Variants in CACNG1 observed in about 807,000 individuals in gnomAD.
CACNG1 encodes calcium voltage-gated channel auxiliary subunit gamma 1.
In CACNG1, 21 loss-of-function variants were observed where a neutral mutation model predicts 22.0. That is an observed-to-expected ratio of 0.95 (90% CI 0.68 to 1.37). The LOEUF is 1.37. Ranked by LOEUF, CACNG1 falls within the 40% of genes most tolerant of loss-of-function variation. The pLI, the probability that CACNG1 is intolerant of heterozygous loss-of-function variation, is 0.00. For synonymous variants in CACNG1, 127 were observed against 129.2 expected (o/e 0.98, Z 0.12); for missense variants, 291 against 308.6 (o/e 0.94, Z 0.43).
rs2035758373 is a variant in CACNG1, at chr17:67,055,902, C to T, written c.443-143C>T. The T allele has an allele frequency of 3.1e-6, 2 of 638,074 alleles. No homozygotes were observed. The highest frequency in any genetic ancestry group is 2.7e-5 in the East Asian group (1 of 36,874). 39.5% of individuals were successfully genotyped at this position (638,074 alleles called of 1,614,324 possible). ...GTGGGTGGACAAATGGATCCTTCTG[C>T]AGGTTCCCATCTAGAACCTGCCTTG... On this transcript the variant is annotated intron_variant, in intron 3 of 3. Coordinates refer to ENST00000226021, the MANE Select transcript of CACNG1 (RefSeq NM_000727.4). This position sits in a 1 kb window ranked among gnomAD's most constrained non-coding sequence, Gnocchi z 4.5.
intron 1 of CACNG1, among the ~76,000 whole-genome samples, chr17:67,048,990 C>CA (rs1380572740): frequency 6.6e-6 from 1 of 151,620 alleles, no homozygotes. Context: ...GAGAAAGGAG[C>CA]AAAAAAGGTA....
intron 1 of CACNG1, among the ~76,000 whole-genome samples, chr17:67,045,656 G>A (rs908860842): frequency 1.3e-5 from 2 of 151,708 alleles, no homozygotes; most frequent in Non-Finnish European, 2.9e-5. Context: ...CCCAGTAGCT[G>A]GGATTACAGG....
intron 1 of CACNG1, among the ~76,000 whole-genome samples, chr17:67,053,209 A>G (rs767623551): frequency 6.6e-6 from 1 of 152,182 alleles, no homozygotes; most frequent in Non-Finnish European, 1.5e-5. Flanking sequence ...TGATGGTCAC[A>G]TTCAGCCCTC....
rs779836809 is a variant in CACNG1 at position 67,055,153 on chromosome 17, A to T, written c.355A>T (p.Ile119Phe). Reference protein sequence around the residue: ...AIAIFSLGFIILGSLCVLLSL... With the variant: ...AIAIFSLGFIFLGSLCVLLSL... ...CGCCATCTTCAGCCTTGGCTTCATCATCCTGGGCAGCCTCTGTGTCCTCCT... is the reference window on the plus strand; with the variant it reads ...CGCCATCTTCAGCCTTGGCTTCATCTTCCTGGGCAGCCTCTGTGTCCTCCT... The change falls in exon 3 of 4, where the codon ATC (isoleucine) becomes TTC (phenylalanine). Residue 119 changes from isoleucine (I) to phenylalanine (F), a missense_variant. By Grantham distance (21) the Ile-to-Phe change is conservative. Coordinates refer to ENST00000226021, the MANE Select transcript of CACNG1 (RefSeq NM_000727.4). The surrounding 1 kb of genome is among the most constrained non-coding windows in gnomAD (Gnocchi z 4.5). 1.2e-6 allele frequency: 2 copies of T among 1,614,138 alleles called. No individual in the cohort carries two copies. Among genetic ancestry groups the T allele is most frequent in the Non-Finnish European group, 8.5e-7 (1 of 1,180,010 alleles).
chr17:67,055,277 G>T lies in CACNG1; in HGVS notation c.442+37G>T. ...GATCTGCCTGAGCGCCGGGGCCGGG[G>T]GACCATGTCGCGGGGGATTCTCCGC... On this transcript the variant is annotated intron_variant, in intron 3 of 3. Transcript: ENST00000226021. This position sits in a 1 kb window ranked among gnomAD's most constrained non-coding sequence, Gnocchi z 4.5. 6.3e-7 allele frequency: 1 copy of T among 1,594,728 alleles called. No individual in the cohort carries two copies. Among genetic ancestry groups the T allele is most frequent in the Non-Finnish European group, 8.6e-7 (1 of 1,167,242 alleles).
intron 1 of CACNG1, among the ~76,000 whole-genome samples, chr17:67,047,234 G>C (rs1230476759): frequency 6.6e-6 from 1 of 152,080 alleles, no homozygotes; most frequent in African/African-American, 2.4e-5. Context: ...GATAGAAAAA[G>C]AACCTCCAAA....
At chr17:67,053,794 C>T (rs1372542813) in intron 1 of CACNG1, among the ~76,000 whole-genome samples, 1 of 152,222 alleles carries the variant, frequency 6.6e-6, no homozygotes, top group Non-Finnish European at 1.5e-5. Flanking sequence ...CCTCCCAGCC[C>T]TGCAGGCAAC....
At chr17:67,052,809 CTG>C (rs1339164253) in intron 1 of CACNG1, among the ~76,000 whole-genome samples, 1 of 151,266 alleles carries the variant, frequency 6.6e-6, no homozygotes, top group Non-Finnish European at 1.5e-5. Flanking sequence ...GAGTCCCACT[CTG>C]TCACCCAGGC....
chr17:67,050,878 A>T (rs866154368), intron 1 of CACNG1, among the ~76,000 whole-genome samples: 1 of 152,220 alleles, frequency 6.6e-6, no homozygotes, highest in Non-Finnish European at 1.5e-5. Flanking sequence ...GCTGAGTCTT[A>T]CAGAAATAAG....
In CACNG1 at chr17:67,055,358, C is replaced by A; in HGVS notation, c.442+118C>A. The A allele has an allele frequency of 8.0e-7, 1 of 1,255,814 alleles. No individual in the cohort carries two copies. Among genetic ancestry groups the A allele is most frequent in the Non-Finnish European group, 1.1e-6 (1 of 918,192 alleles). The allele number at this position is 1,255,814 out of a possible 1,614,324, so 77.8% of individuals were successfully genotyped here. A position where few individuals can be genotyped will look rare whatever the true frequency, so the allele number is the denominator to read the frequency against. On this transcript the variant is annotated intron_variant, in intron 3 of 3. Coordinates refer to ENST00000226021, the MANE Select transcript of CACNG1 (RefSeq NM_000727.4). The surrounding 1 kb of genome is among the most constrained non-coding windows in gnomAD (Gnocchi z 4.5). The stretch of plus-strand genomic sequence containing the variant: ...TGAGGGGCATTTCCCAGGCTCCATC[C>A]CCATCCAGGGGCAAACCTGGCCAGG...
At chr17:67,053,263 G>GA (rs1273891789) in intron 1 of CACNG1, among the ~76,000 whole-genome samples, 1 of 152,188 alleles carries the variant, frequency 6.6e-6, no homozygotes, top group African/African-American at 2.4e-5. Flanking sequence ...TGGCCACTCG[G>GA]AAAAAGCCCT....
chr17:67,053,447 A>G (rs1017504913), intron 1 of CACNG1, among the ~76,000 whole-genome samples: 2 of 152,212 alleles, frequency 1.3e-5, no homozygotes, highest in African/African-American at 4.8e-5. Flanking sequence ...GGGTTTCTCA[A>G]CCTTGACACT....
intron 1 of CACNG1, among the ~76,000 whole-genome samples, chr17:67,047,112 A>T (rs1054800014): frequency 6.6e-6 from 1 of 152,170 alleles, no homozygotes; most frequent in African/African-American, 2.4e-5. Context: ...GTGGCCCGTC[A>T]TCTATTATTA....
Position 67,044,938 on chromosome 17 carries a change from T to C in CACNG1, c.229+49T>C. 1 of 1,483,848 alleles carries C rather than the reference T, an allele frequency of 6.7e-7. No homozygotes were observed. Among genetic ancestry groups the C allele is most frequent in the African/African-American group, 1.4e-5 (1 of 72,348 alleles). The allele number at this position is 1,483,848 out of a possible 1,614,324, so 91.9% of individuals were successfully genotyped here. A position where few individuals can be genotyped will look rare whatever the true frequency, so the allele number is the denominator to read the frequency against. On this transcript the variant is annotated intron_variant, in intron 1 of 3. Coordinates refer to ENST00000226021, the MANE Select transcript of CACNG1 (RefSeq NM_000727.4). This position sits in a 1 kb window ranked among gnomAD's most constrained non-coding sequence, Gnocchi z 6.9. ...GATCCCCACCTCCTGCTCTTCCCCG[T>C]CATCCCCCTGGCAAAGTTGCCCTTG...
chr17:67,055,170 T>G lies in CACNG1; in HGVS notation c.372T>G (p.Cys124Trp), dbSNP rs770305526. ...SLGFIILGSL[C>W]VLLSLGKKRD... is the part of the protein sequence containing the mutation. ...GCTTCATCATCCTGGGCAGCCTCTG[T>G]GTCCTCCTGTCCCTCGGGAAGAAGA... The change falls in exon 3 of 4, where the codon TGT becomes TGG. Residue 124 changes from cysteine (C) to tryptophan (W), a missense_variant. Coordinates refer to ENST00000226021, the MANE Select transcript of CACNG1 (RefSeq NM_000727.4). This position sits in a 1 kb window ranked among gnomAD's most constrained non-coding sequence, Gnocchi z 4.5. The G allele has an allele frequency of 6.2e-7, 1 of 1,614,252 alleles. No individual in the cohort carries two copies. Among genetic ancestry groups the G allele is most frequent in the Non-Finnish European group, 8.5e-7 (1 of 1,180,038 alleles).
At chr17:67,052,810 T>C (rs1340340075) in intron 1 of CACNG1, among the ~76,000 whole-genome samples, 2 of 151,706 alleles carry the variant, frequency 1.3e-5, no homozygotes, top group Non-Finnish European at 2.9e-5. Context: ...AGTCCCACTC[T>C]GTCACCCAGG....
chr17:67,049,773 G>A lies in CACNG1; in HGVS notation c.230-4223G>A, dbSNP rs74804845. 1.8e-3 allele frequency among the ~76,000 whole-genome samples: 276 copies of A among 152,306 alleles called. 7 individuals carry two copies. Among genetic ancestry groups the A allele is most frequent in the Admixed American group, 2.2e-3 (33 of 15,308 alleles). ...AAAGCTCTGACCCAAGTGAACACAA[G>A]GAGTCCAGCTTTTGACATGGCATAG... On this transcript the variant is annotated intron_variant, in intron 1 of 3. Coordinates refer to ENST00000226021, the MANE Select transcript of CACNG1 (RefSeq NM_000727.4).
Position 67,055,849 on chromosome 17 carries a change from C to T in CACNG1, c.443-196C>T, listed in dbSNP as rs372129143. On this transcript the variant is annotated intron_variant, in intron 3 of 3. Transcript: ENST00000226021. This position sits in a 1 kb window ranked among gnomAD's most constrained non-coding sequence, Gnocchi z 4.5. Reference sequence around the variant, plus strand: ...GCCACCACACCTGGCCACATGGTTGCCCTTCTGAGGGATGCAGGAATAGGG... The same window carrying T: ...GCCACCACACCTGGCCACATGGTTGTCCTTCTGAGGGATGCAGGAATAGGG... 2.0e-5 allele frequency among the ~76,000 whole-genome samples: 3 copies of T among 152,262 alleles called. No individual in the cohort carries two copies. The East Asian group carries it at 5.8e-4, about 30-fold the overall frequency.
chr17:67,055,493 A>G lies in CACNG1; in HGVS notation c.442+253A>G, dbSNP rs2035756209. Among the ~76,000 whole-genome samples the G allele has an allele frequency of 6.6e-6, 1 of 152,190 alleles. No individual in the cohort carries two copies. Among genetic ancestry groups the G allele is most frequent in the Non-Finnish European group, 1.5e-5 (1 of 68,032 alleles). On this transcript the variant is annotated intron_variant, in intron 3 of 3. Coordinates refer to ENST00000226021, the MANE Select transcript of CACNG1 (RefSeq NM_000727.4). This position sits in a 1 kb window ranked among gnomAD's most constrained non-coding sequence, Gnocchi z 4.5. ...AAAGAAACTGCCCAGAGAATGATTA[A>G]CAAAAGAAGGAAAGAAACGTGGTCA...
Sources: allele counts gnomAD v4.1 joint callset (sites outside exome capture counted in the v4.1 genomes callset), GRCh38; gene constraint gnomAD v4.1.1; non-coding constraint Gnocchi (gnomAD v3.1); transcripts MANE v1.5; gene names NCBI Gene and HGNC (gene_info 2026-07-23, HGNC 2026-07-21).